AAMDC: variants seen among roughly 807,000 people sequenced by gnomAD.
The protein encoded by AAMDC is adipogenesis associated Mth938 domain containing, also known as mth938 domain-containing protein.
A neutral mutation model predicts 15.5 loss-of-function variants in AAMDC; 16 were observed. The ratio of observed to expected loss-of-function variants is 1.03; its 90% CI spans 0.70 to 1.57. The LOEUF (loss-of-function observed/expected upper bound fraction) is 1.57, where lower values mean the gene tolerates loss of function less well. Ranked by LOEUF, AAMDC falls within the 40% of genes most tolerant of loss-of-function variation. AAMDC has a pLI of 0.00. For missense variants in AAMDC, 141 were observed against 144.9 expected, an observed-to-expected ratio of 0.97 and a Z score of 0.14; for synonymous variants, 51 against 51.6, an observed-to-expected ratio of 0.99 and a Z score of 0.05.
At chr11:77,841,997 A>T (rs1949952807) in intron 1 of AAMDC, among the ~76,000 whole-genome samples, 1 of 152,086 alleles carries the variant, frequency 6.6e-6, no homozygotes, top group African/African-American at 2.4e-5. Flanking sequence ...GAGTGGTGGA[A>T]TGGGGGTTGT....
intron 1 of AAMDC, among the ~76,000 whole-genome samples, chr11:77,832,573 G>A (rs1030161334): frequency 6.6e-6 from 1 of 151,904 alleles, no homozygotes; most frequent in Non-Finnish European, 1.5e-5. Flanking sequence ...TGATCCACCC[G>A]CCTCAGCCTC....
chr11:77,893,302 ATGCAAGTGTAAGAACAGTGTGGG>A (rs1160661047), intron 5 of AAMDC, among the ~76,000 whole-genome samples: 2 of 152,252 alleles, frequency 1.3e-5, no homozygotes, highest in African/African-American at 4.8e-5. Context: ...ATAGAGAAAT[ATGCAAGTGTAAGAACAGTGTGGG>A]CCTGGTGCAG....
At chr11:77,883,694 T>G in intron 5 of AAMDC, 2 of 929,794 alleles carry the variant, frequency 2.2e-6, no homozygotes, top group South Asian at 3.5e-5. Flanking sequence ...AATGAGTGCT[T>G]ATAAACTCAT....
intron 1 of AAMDC, among the ~76,000 whole-genome samples, chr11:77,833,014 T>A (rs1324726032): frequency 1.3e-4 from 18 of 133,728 alleles, no homozygotes; most frequent in South Asian, 2.4e-4. Context: ...TATATATTTT[T>A]TTTTTTTTTT....
chr11:77,892,815 C>A (rs549849697), intron 5 of AAMDC, among the ~76,000 whole-genome samples: 1 of 152,296 alleles, frequency 6.6e-6, no homozygotes, highest in East Asian at 1.9e-4. Flanking sequence ...GAACTCCTGA[C>A]CTCGTGATCC....
rs1042376442 is a variant in AAMDC at position 77,897,857 on chromosome 11, G to A, written c.329-2714G>A. On this transcript the variant is annotated intron_variant, in intron 5 of 5. Coordinates refer to the AAMDC transcript ENST00000304716. ...AGGGTCTTGTTCTGTTGCCCAAGTT[G>A]GAGTGCAATAGCATGATCATAGCTC... is the stretch of plus-strand genomic sequence containing the variant. Among the ~76,000 whole-genome samples, 8 of 151,982 alleles carry A rather than the reference G, an allele frequency of 5.3e-5. No individual in the cohort carries two copies. The South Asian group carries it at 6.3e-4, about 12-fold the overall frequency.
intron 5 of AAMDC, among the ~76,000 whole-genome samples, chr11:77,889,586 G>A (rs1295073109): frequency 6.6e-6 from 1 of 152,138 alleles, no homozygotes; most frequent in East Asian, 1.9e-4. Flanking sequence ...ATGGAGTTCT[G>A]CAGGGTTTGC....
chr11:77,830,601 C>T (rs1439369842), intron 1 of AAMDC, among the ~76,000 whole-genome samples: 1 of 151,860 alleles, frequency 6.6e-6, no homozygotes, highest in African/African-American at 2.4e-5. Flanking sequence ...CAAATATACT[C>T]TTTTGTCTCT....
chr11:77,883,723 G>T, intron 5 of AAMDC: 1 of 1,178,014 alleles, frequency 8.5e-7, no homozygotes, highest in Non-Finnish European at 1.2e-6. Flanking sequence ...ATTCTTACAA[G>T]GCCTGATTCA....
In AAMDC at chr11:77,824,732, G is replaced by A. The variant is rs142036600; in HGVS notation, c.-19+3491G>A. On this transcript the variant is annotated intron_variant, in intron 1 of 3. Transcript: ENST00000393427. ...GCTTGGAAGGGTATTGACTAGAAAGGGGCACAAGGGGACTTTGTAGATAGT... is the reference window on the plus strand; with the variant it reads ...GCTTGGAAGGGTATTGACTAGAAAGAGGCACAAGGGGACTTTGTAGATAGT... Among the ~76,000 whole-genome samples the A allele has an allele frequency of 1.4e-4, 21 of 152,254 alleles. No homozygotes were observed. In the East Asian group the frequency reaches 3.9e-3, roughly 28 times the overall value.
At chr11:77,833,488 C>T (rs1293597006) in intron 1 of AAMDC, among the ~76,000 whole-genome samples, 1 of 152,104 alleles carries the variant, frequency 6.6e-6, no homozygotes, top group Admixed American at 6.5e-5. Context: ...GGAGGTAGAG[C>T]TCGGGCAGTA....
At chr11:77,863,225 C>A (rs1590967009) in intron 2 of AAMDC, among the ~76,000 whole-genome samples, 4 of 152,254 alleles carry the variant, frequency 2.6e-5, no homozygotes, top group Admixed American at 2.0e-4. Context: ...CTTAGCCATG[C>A]AGGAACAATG....
At chr11:77,886,182 C>T (rs972521964) in intron 5 of AAMDC, among the ~76,000 whole-genome samples, 1 of 151,802 alleles carries the variant, frequency 6.6e-6, no homozygotes, top group South Asian at 2.1e-4. Flanking sequence ...CCAGCCCAGG[C>T]AACAGACAGA....
At chr11:77,883,711 C>T (rs1951879976) in intron 5 of AAMDC, 2 of 1,086,634 alleles carry the variant, frequency 1.8e-6, no homozygotes, top group Non-Finnish European at 1.3e-6. Flanking sequence ...TCATTAAGTT[C>T]AATTCTTACA....
intron 5 of AAMDC, chr11:77,878,956 C>T (rs536814853): frequency 5.6e-6 from 9 of 1,613,752 alleles, no homozygotes; most frequent in South Asian, 5.5e-5. Flanking sequence ...GCCTTAGCGC[C>T]GTGCAGGTTT....
At chr11:77,903,545 T>G, downstream of AAMDC, 1 of 1,613,730 alleles carries the variant, frequency 6.2e-7, no homozygotes, top group Non-Finnish European at 8.5e-7. Context: ...CTTACCTGTT[T>G]CGCTGCTGCT....
intron 5 of AAMDC, among the ~76,000 whole-genome samples, chr11:77,879,919 G>A (rs1174840173): frequency 1.3e-5 from 2 of 152,156 alleles, no homozygotes; most frequent in Admixed American, 1.3e-4. Context: ...ATGAAAGAAA[G>A]ACTGTCACAA....
intron 2 of AAMDC, chr11:77,850,683 TAATAC>T (rs1950332525): frequency 6.6e-6 from 1 of 152,174 alleles, no homozygotes; most frequent in South Asian, 2.1e-4. Context: ...GTGAATAATA[TAATAC>T]ATTTCCATAT....
intron 5 of AAMDC, chr11:77,884,653 T>TGGTCAATGTTGAAACTGC: frequency 4.5e-6 from 1 of 220,348 alleles, no homozygotes; most frequent in South Asian, 6.0e-5. Context: ...GTTGAAACTG[T>TGGTCAATGTTGAAACTGC]GGTCAATGTT....
Sources: allele counts gnomAD v4.1 joint callset (sites outside exome capture counted in the v4.1 genomes callset), GRCh38; gene constraint gnomAD v4.1.1; transcripts MANE v1.5; gene names NCBI Gene and HGNC (gene_info 2026-07-23, HGNC 2026-07-21).